LCE2C: variants seen among roughly 807,000 people sequenced by gnomAD.
LCE2C encodes the protein late cornified envelope 2C, also known as late cornified envelope protein 2C.
For synonymous variants in LCE2C, 57 were observed against 51.0 expected, an observed-to-expected ratio of 1.12 and a Z score of -0.50; for missense variants, 179 against 141.3, an observed-to-expected ratio of 1.27 and a Z score of -1.35.
Position 152,676,405 on chromosome 1 carries a change from T to C in LCE2C, c.*57T>C. On this transcript the variant is annotated 3_prime_UTR_variant, in exon 2 of 2. Coordinates refer to ENST00000368783, the MANE Select transcript of LCE2C (RefSeq NM_178429.5). ...TGGCCAAGAACCTGCTACGGCCTGA[T>C]GGATACTCTTTCCACTTCCTCTCAT... is the stretch of plus-strand genomic sequence containing the variant. 2 of 1,535,402 alleles carry C rather than the reference T, an allele frequency of 1.3e-6. No homozygotes were observed. The highest frequency in any genetic ancestry group is 8.7e-7 in the Non-Finnish European group (1 of 1,145,006).
Position 152,675,986 on chromosome 1 carries a change from A to G in LCE2C, c.-21-9A>G. The G allele has an allele frequency of 3.7e-6, 6 of 1,611,910 alleles. No individual in the cohort carries two copies. The highest frequency in any genetic ancestry group is 2.2e-5 in the East Asian group (1 of 44,880). On this transcript the variant is annotated splice_polypyrimidine_tract_variant and intron_variant, in intron 1 of 1. Transcript: ENST00000368783. Reference sequence around the variant, plus strand: ...GAAATATTTAAAGAGTTTCATTATTATCTTTCAGGTTGACTAAACTCCTGC... The same window carrying G: ...GAAATATTTAAAGAGTTTCATTATTGTCTTTCAGGTTGACTAAACTCCTGC...
Position 152,676,396 on chromosome 1 carries a change from A to G in LCE2C, c.*48A>G. ...GGGACTGAATGGCCAAGAACCTGCT[A>G]CGGCCTGATGGATACTCTTTCCACT... is the stretch of plus-strand genomic sequence containing the variant. On this transcript the variant is annotated 3_prime_UTR_variant, in exon 2 of 2. Transcript: ENST00000368783. 1 of 1,551,320 alleles carries G rather than the reference A, an allele frequency of 6.4e-7. No homozygotes were observed. The highest frequency in any genetic ancestry group is 8.7e-7 in the Non-Finnish European group (1 of 1,152,794).
At chr1:152,675,723 A>C (rs1206512404) in intron 1 of LCE2C, among the ~76,000 whole-genome samples, 1 of 152,160 alleles carries the variant, frequency 6.6e-6, no homozygotes, top group Non-Finnish European at 1.5e-5. Flanking sequence ...TTAAAGGAAT[A>C]GGTACTTCAG....
chr1:152,675,390 G>A (rs2101500307), intron 1 of LCE2C, 62 bp downstream of exon 1: 1 of 153,474 alleles, frequency 6.5e-6, no homozygotes, highest in Middle Eastern at 3.4e-3. Context: ...GGAGGATGGA[G>A]GTAGGCTGGA....
At chr1:152,675,964 A>T in intron 1 of LCE2C, 31 bp from the exon 2 acceptor site, 1 of 1,598,032 alleles carries the variant, frequency 6.3e-7, no homozygotes, top group Non-Finnish European at 8.5e-7. Flanking sequence ...TTGGTTTGAA[A>T]TATTTAAAGA....
intron 1 of LCE2C, 65 bp from the exon 2 acceptor site, chr1:152,675,930 T>A (rs1216314585): frequency 1.3e-6 from 2 of 1,498,878 alleles, no homozygotes; most frequent in Non-Finnish European, 1.8e-6. Flanking sequence ...ATGCATTGAT[T>A]TTAGAAGAGG....
chr1:152,675,940 G>A (rs1571070195), intron 1 of LCE2C, 55 bp from the exon 2 acceptor site: 57 of 1,541,426 alleles, frequency 3.7e-5, no homozygotes, highest in Non-Finnish European at 4.8e-5. Flanking sequence ...TTTAGAAGAG[G>A]TATAATATGA....
rs772742832 is a variant in LCE2C at position 152,676,005 on chromosome 1, C to T, written c.-11C>T. 5.6e-6 allele frequency: 9 copies of T among 1,613,980 alleles called. No individual in the cohort carries two copies. The East Asian group carries it at 6.7e-5, about 12-fold the overall frequency. On this transcript the variant is annotated 5_prime_UTR_variant, in exon 2 of 2. Transcript: ENST00000368783. The stretch of plus-strand genomic sequence containing the variant: ...ATTATTATCTTTCAGGTTGACTAAA[C>T]TCCTGCCAGCATGTCTTGCCAGCAA...
rs1303868282 is a variant in LCE2C at position 152,675,327 on chromosome 1, G to C, written c.-23G>C. On this transcript the variant is annotated splice_region_variant and 5_prime_UTR_variant, in exon 1 of 2. Transcript: ENST00000368783. Reference sequence around the variant, plus strand: ...GTGTCTGTGCTCCTGCGTGTGACCAGGGTGAGTGGCAACCTGGGATACCAG... The same window carrying C: ...GTGTCTGTGCTCCTGCGTGTGACCACGGTGAGTGGCAACCTGGGATACCAG... 6.6e-6 allele frequency: 1 copy of C among 152,526 alleles called. No individual in the cohort carries two copies. The highest frequency in any genetic ancestry group is 1.5e-5 in the Non-Finnish European group (1 of 68,306). The allele number at this position is 152,526 out of a possible 1,614,324, so 9.4% of individuals were successfully genotyped here.
At chr1:152,675,973 G>T (rs777305632) in intron 1 of LCE2C, 22 bp from the exon 2 acceptor site, 1 of 1,604,324 alleles carries the variant, frequency 6.2e-7, no homozygotes, top group Non-Finnish European at 8.5e-7. Context: ...AATATTTAAA[G>T]AGTTTCATTA....
chr1:152,676,113 C>T lies in LCE2C; in HGVS notation c.98C>T (p.Pro33Leu), dbSNP rs749892642. ...KCPPKCPPKCPPQCPAPCFPA... is the reference protein window; with the variant it reads ...KCPPKCPPKCLPQCPAPCFPA... ...CCACCTAAGTGTCCCCCCAAATGCC[C>T]ACCACAGTGCCCAGCTCCATGTTTC... is the stretch of plus-strand genomic sequence containing the variant. The change falls in exon 2 of 2, where the codon CCA (proline) becomes CTA (leucine). Residue 33 changes from proline to leucine, a missense_variant. By Grantham distance (98) the Pro-to-Leu change is moderately conservative. Coordinates refer to ENST00000368783, the MANE Select transcript of LCE2C (RefSeq NM_178429.5). 1.2e-6 allele frequency: 2 copies of T among 1,614,196 alleles called. No individual in the cohort carries two copies. Among genetic ancestry groups the T allele is most frequent in the Non-Finnish European group, 1.7e-6 (2 of 1,180,040 alleles).
chr1:152,675,704 G>A (rs550771963), intron 1 of LCE2C, among the ~76,000 whole-genome samples: 1 of 152,260 alleles, frequency 6.6e-6, no homozygotes, highest in East Asian at 1.9e-4. Flanking sequence ...CTTGTCCTTA[G>A]GGCTTGTATT....
intron 1 of LCE2C, among the ~76,000 whole-genome samples, chr1:152,675,755 G>A (rs929393812): frequency 2.0e-5 from 3 of 152,088 alleles, no homozygotes; most frequent in East Asian, 1.9e-4. Context: ...TACTCTATTC[G>A]GGCTTGTGAG....
In LCE2C at chr1:152,676,335, G is replaced by C; in HGVS notation, c.320G>C (p.Gly107Ala). The change falls in exon 2 of 2, where the codon GGG (glycine) becomes GCG (alanine). Residue 107 changes from glycine (G) to alanine (A), a missense_variant. By Grantham distance (60) the Gly-to-Ala change is moderately conservative. Transcript: ENST00000368783. ...GGCTCTGGCTGCTGCCACAGCTCTG[G>C]GGGCTGCTGCTGACCTGGGCTACAG... ...SGGSGCCHSS[G>A]GCC 4 of 1,611,428 alleles carry C rather than the reference G, an allele frequency of 2.5e-6. No individual in the cohort carries two copies. Among genetic ancestry groups the C allele is most frequent in the Non-Finnish European group, 3.4e-6 (4 of 1,178,724 alleles).
chr1:152,675,532 A>G (rs563698182), intron 1 of LCE2C, among the ~76,000 whole-genome samples: 2 of 152,298 alleles, frequency 1.3e-5, no homozygotes, highest in East Asian at 1.9e-4. Flanking sequence ...ATCTTTTCCA[A>G]TTCTGTGTTC....
rs1648831896 is a variant in LCE2C, at chr1:152,675,863, G to A, written c.-21-132G>A. ...TTTATCTAGAGGAAAGATTCAAGTT[G>A]TTTCTTTCAGGTTACTGATGTGATT... On this transcript the variant is annotated intron_variant, in intron 1 of 1. Transcript: ENST00000368783. 8 of 1,102,318 alleles carry A rather than the reference G, an allele frequency of 7.3e-6. No individual in the cohort carries two copies. The South Asian group carries it at 1.1e-4, about 15-fold the overall frequency. 68.3% of individuals were successfully genotyped at this position (1,102,318 alleles called of 1,614,324 possible). A position where few individuals can be genotyped will look rare whatever the true frequency, so the allele number is the denominator to read the frequency against.
Position 152,676,489 on chromosome 1 carries a change from G to A in LCE2C, c.*141G>A, listed in dbSNP as rs946990295. ...CATGGGGCTTTCCTGGAAGAACTTC[G>A]TGCTTGATGTAACACCCCAATTGCA... On this transcript the variant is annotated 3_prime_UTR_variant, in exon 2 of 2. Coordinates refer to ENST00000368783, the MANE Select transcript of LCE2C (RefSeq NM_178429.5). The A allele has an allele frequency of 2.9e-5, 35 of 1,207,952 alleles. No homozygotes were observed. The highest frequency in any genetic ancestry group is 3.3e-5 in the South Asian group (2 of 60,864). The allele number at this position is 1,207,952 out of a possible 1,614,324, so 74.8% of individuals were successfully genotyped here.
At chr1:152,675,888 T>G (rs1648832335) in intron 1 of LCE2C, 107 bp from the exon 2 acceptor site, 1 of 1,282,180 alleles carries the variant, frequency 7.8e-7, no homozygotes, top group Admixed American at 2.2e-5. Flanking sequence ...CTGATGTGAT[T>G]GTATTATCTA....
chr1:152,676,561 T>C lies in LCE2C; in HGVS notation c.*213T>C. ...CTCATGTTATAATAAAGCTCTGATC[T>C]CTGACTCACTAAATGTCTTGGTCAT... On this transcript the variant is annotated 3_prime_UTR_variant, in exon 2 of 2. Transcript: ENST00000368783. 1.6e-6 allele frequency: 1 copy of C among 632,634 alleles called. No homozygotes were observed. The highest frequency in any genetic ancestry group is 2.7e-5 in the South Asian group (1 of 37,434). 39.2% of individuals were successfully genotyped at this position (632,634 alleles called of 1,614,324 possible).
Sources: gnomAD v4.1 joint callset for allele counts (sites outside exome capture counted in the v4.1 genomes callset) on GRCh38, gnomAD v4.1.1 for gene constraint, MANE v1.5 for transcripts, NCBI Gene and HGNC (gene_info 2026-07-23, HGNC 2026-07-21) for gene names.